The following ATP6V0A1 variants were observed in gnomAD, a reference collection of about 807,000 sequenced individuals.
The protein encoded by ATP6V0A1 is V-type proton ATPase 116 kDa subunit a 1.
ATP6V0A1 carries 43 observed loss-of-function variants against 105.4 expected under a neutral mutation model. That is an observed-to-expected ratio of 0.41 (90% CI 0.32 to 0.53). ATP6V0A1 has a LOEUF of 0.53. ATP6V0A1 is among the 20% of genes least tolerant of loss of function. The pLI is 0.30. For synonymous variants in ATP6V0A1, 362 were observed against 372.8 expected, an observed-to-expected ratio of 0.97 and a Z score of 0.33; for missense variants, 676 against 1,051.1, an observed-to-expected ratio of 0.64 and a Z score of 4.93.
At position 42,507,638 on chromosome 17, in the gene ATP6V0A1, G is replaced by C; in HGVS notation, c.2112+11G>C. The stretch of plus-strand genomic sequence containing the variant: ...GAGGACGCAGACGAGGTAAGATCCC[G>C]TGGTGTGGGCTTTCTCTCCTTCCAC... On this transcript the variant is annotated intron_variant, in intron 18 of 21. Transcript: ENST00000343619. 1 of 1,610,222 alleles carries C rather than the reference G, an allele frequency of 6.2e-7. No homozygotes were observed. The highest frequency in any genetic ancestry group is 8.5e-7 in the Non-Finnish European group (1 of 1,176,602).
chr17:42,514,249 TTGCCAAAC>T (rs758960546), intron 20 of ATP6V0A1, 32 bp from the exon 21 acceptor site: 1 of 1,542,650 alleles, frequency 6.5e-7, no homozygotes, highest in South Asian at 1.3e-5. Context: ...CAGCTGCCTC[TTGCCAAAC>T]TGCACTGGAT....
At chr17:42,507,431 G>A (rs1841717444) in intron 17 of ATP6V0A1, 89 bp from the exon 18 acceptor site, 5 of 901,294 alleles carry the variant, frequency 5.5e-6, no homozygotes, top group Non-Finnish European at 3.5e-6. Flanking sequence ...CTTTTCTGAG[G>A]TTTGTGTTAC....
At chr17:42,467,146 CAAA>C (rs11320569) in intron 3 of ATP6V0A1, among the ~76,000 whole-genome samples, 4 of 144,830 alleles carry the variant, frequency 2.8e-5, no homozygotes, top group Admixed American at 6.9e-5. Flanking sequence ...GACTCCGTCT[CAAA>C]AAAAAAAAAA....
chr17:42,476,328 C>CTTGCTTTGTTTT (rs2088738362), intron 5 of ATP6V0A1, among the ~76,000 whole-genome samples: 1 of 152,124 alleles, frequency 6.6e-6, no homozygotes, highest in African/African-American at 2.4e-5. Context: ...GTTTTTCCCC[C>CTTGCTTTGTTTT]TTTTTGCTAT....
intron 21 of ATP6V0A1, chr17:42,520,563 T>C: frequency 2.2e-6 from 1 of 456,918 alleles, no homozygotes; most frequent in Non-Finnish European, 4.4e-6. Context: ...TGGAAAGCCT[T>C]CAACATTCAC....
chr17:42,483,621 G>A (rs950175948), intron 9 of ATP6V0A1, among the ~76,000 whole-genome samples: 1 of 151,870 alleles, frequency 6.6e-6, no homozygotes, highest in Admixed American at 6.6e-5. Context: ...TTGCTCTTTT[G>A]CCCAGGGTGG....
intron 8 of ATP6V0A1, 182 bp downstream of exon 8, chr17:42,480,931 G>C: frequency 1.9e-6 from 1 of 514,214 alleles, no homozygotes; most frequent in South Asian, 2.6e-5. Context: ...TTTTATTTTT[G>C]TTGTTCAGAT....
chr17:42,463,017 T>TTTG (rs1474718702), intron 2 of ATP6V0A1, among the ~76,000 whole-genome samples: 3 of 145,688 alleles, frequency 2.1e-5, no homozygotes, highest in African/African-American at 7.6e-5. Flanking sequence ...TTTTTTTTTT[T>TTTG]TTTTTGGAGA....
In ATP6V0A1 at chr17:42,501,316, T is replaced by C; in HGVS notation, c.2004+12T>C. ...GGAGAAAGCATTTGGTAGGTGTATT[T>C]CTATTGCTAAAAGTTACTAGACTTT... On this transcript the variant is annotated intron_variant, in intron 17 of 21. Coordinates refer to ENST00000343619, the MANE Select transcript of ATP6V0A1 (RefSeq NM_001130021.3). 3.1e-6 allele frequency: 5 copies of C among 1,599,868 alleles called. No homozygotes were observed. The highest frequency in any genetic ancestry group is 4.3e-6 in the Non-Finnish European group (5 of 1,168,582).
chr17:42,467,251 G>A (rs568626729), intron 3 of ATP6V0A1, among the ~76,000 whole-genome samples: 7 of 152,250 alleles, frequency 4.6e-5, no homozygotes, highest in Admixed American at 2.0e-4. Context: ...CCTTCAAGAT[G>A]GGTATTATCT....
chr17:42,470,053 T>C (rs763225658), intron 4 of ATP6V0A1, 37 bp from the exon 5 acceptor site: 8 of 1,545,598 alleles, frequency 5.2e-6, no homozygotes, highest in South Asian at 1.2e-5. Flanking sequence ...AGCAAACATA[T>C]TGAGCTTAGC....
At chr17:42,494,496 A>G (rs1335291990) in intron 12 of ATP6V0A1, 23 bp downstream of exon 12, 2 of 1,581,718 alleles carry the variant, frequency 1.3e-6, no homozygotes, top group Non-Finnish European at 1.7e-6. Context: ...TTACATCTGC[A>G]TTGAACTGAA....
chr17:42,494,748 A>T, intron 12 of ATP6V0A1: 1 of 470,792 alleles, frequency 2.1e-6, no homozygotes, highest in East Asian at 3.4e-5. Flanking sequence ...TCTCTAAAAA[A>T]ATAAAAATTA....
intron 18 of ATP6V0A1, among the ~76,000 whole-genome samples, chr17:42,508,215 A>G (rs1330311530): frequency 6.6e-6 from 1 of 152,170 alleles, no homozygotes; most frequent in Non-Finnish European, 1.5e-5. Context: ...TTGTAGCACA[A>G]AGCCTCTGAA....
chr17:42,462,446 A>G (rs2086535584), intron 2 of ATP6V0A1, among the ~76,000 whole-genome samples: 1 of 151,660 alleles, frequency 6.6e-6, no homozygotes, highest in Non-Finnish European at 1.5e-5. Flanking sequence ...TTTGAGACAG[A>G]GTCCACTCTG....
rs1409265708 is a variant in ATP6V0A1 at position 42,480,713 on chromosome 17, A to T, written c.680A>T (p.Asp227Val). ...GTGTTTATCATTTTCTTCCAAGGCG[A>T]TCAGCTGAAAAACAGAGTCAAGAAA... ...KSVFIIFFQG[D>V]QLKNRVKKIC... Residue 227 changes from aspartate to valine, a missense_variant, in exon 8 of 22, where the codon GAT becomes GTT. Physicochemically the swap from Asp to Val is radical, Grantham distance 152. Coordinates refer to ENST00000343619, the MANE Select transcript of ATP6V0A1 (RefSeq NM_001130021.3). 1 of 1,613,884 alleles carries T rather than the reference A, an allele frequency of 6.2e-7. No individual in the cohort carries two copies. The highest frequency in any genetic ancestry group is 2.2e-5 in the East Asian group (1 of 44,858).
chr17:42,466,365 G>C (rs2087060075), intron 2 of ATP6V0A1, 64 bp from the exon 3 acceptor site: 2 of 1,398,298 alleles, frequency 1.4e-6, no homozygotes, highest in Non-Finnish European at 1.0e-6. Context: ...AGAATGTGTT[G>C]CTTGAGAAAC....
At chr17:42,461,513 G>A (rs1329864017) in intron 2 of ATP6V0A1, among the ~76,000 whole-genome samples, 3 of 152,230 alleles carry the variant, frequency 2.0e-5, no homozygotes, top group South Asian at 2.1e-4. Flanking sequence ...AGTGGCTCAC[G>A]CCTATAATCC....
rs567094281 is a variant in ATP6V0A1, at chr17:42,506,261, A to G, written c.2005-1259A>G. On this transcript the variant is annotated intron_variant, in intron 17 of 21. Coordinates refer to ENST00000343619, the MANE Select transcript of ATP6V0A1 (RefSeq NM_001130021.3). ...CAGATTTATTGGGCCCCACCCCAGA[A>G]CTACTAAATTTACAATTTCTGGGAG... Among the ~76,000 whole-genome samples the G allele has an allele frequency of 2.6e-5, 4 of 152,378 alleles. No individual in the cohort carries two copies. The East Asian group carries it at 7.7e-4, about 29-fold the overall frequency.
Sources: gnomAD v4.1 joint callset for allele counts (sites outside exome capture counted in the v4.1 genomes callset) on GRCh38, gnomAD v4.1.1 for gene constraint, MANE v1.5 for transcripts, NCBI Gene and HGNC (gene_info 2026-07-23, HGNC 2026-07-21) for gene names.